The following PIP4K2A variants were observed in gnomAD, a reference collection of about 807,000 sequenced individuals.
The protein encoded by PIP4K2A is phosphatidylinositol 5-phosphate 4-kinase type-2 alpha.
A neutral mutation model predicts 42.9 loss-of-function variants in PIP4K2A; 14 were observed. The observed-to-expected ratio is 0.33, with a 90% CI of 0.22 to 0.51. PIP4K2A has a LOEUF of 0.51. PIP4K2A is among the 20% of genes least tolerant of loss of function. The pLI is 0.97. For synonymous variants in PIP4K2A, 192 were observed against 192.2 expected, an observed-to-expected ratio of 1.00 and a Z score of 0.01; for missense variants, 434 against 519.8, an observed-to-expected ratio of 0.83 and a Z score of 1.61.
At chr10:22,611,354 C>T (rs965193235) in intron 1 of PIP4K2A, among the ~76,000 whole-genome samples, 5 of 151,764 alleles carry the variant, frequency 3.3e-5, no homozygotes, top group Non-Finnish European at 7.4e-5. Flanking sequence ...TGTACCACTG[C>T]ACTCCAGCCT....
chr10:22,606,603 T>C (rs1230895875), intron 3 of PIP4K2A, among the ~76,000 whole-genome samples: 2 of 152,214 alleles, frequency 1.3e-5, no homozygotes, highest in Non-Finnish European at 2.9e-5. Context: ...GAGAGGGCAG[T>C]GGGAGCACAG....
At chr10:22,650,890 T>C (rs777389025) in intron 1 of PIP4K2A, among the ~76,000 whole-genome samples, 1 of 152,018 alleles carries the variant, frequency 6.6e-6, no homozygotes, top group African/African-American at 2.4e-5. Flanking sequence ...CTAGCCTGCT[T>C]CTACATGTCC....
At chr10:22,617,952 C>T (rs928270246) in intron 1 of PIP4K2A, among the ~76,000 whole-genome samples, 1 of 152,084 alleles carries the variant, frequency 6.6e-6, no homozygotes, top group African/African-American at 2.4e-5. Context: ...GCGAGCTAAG[C>T]ACAAAGGGTT....
chr10:22,646,682 CTT>C (rs1838890997), intron 1 of PIP4K2A, among the ~76,000 whole-genome samples: 2 of 152,344 alleles, frequency 1.3e-5, no homozygotes, highest in South Asian at 4.1e-4. Context: ...GGGAGGGACA[CTT>C]TGTCTTCCCT....
chr10:22,683,848 C>A (rs1209371502), intron 1 of PIP4K2A, among the ~76,000 whole-genome samples: 1 of 151,108 alleles, frequency 6.6e-6, no homozygotes, highest in Non-Finnish European at 1.5e-5. Flanking sequence ...CACACACACA[C>A]ACACACACAC....
intron 1 of PIP4K2A, among the ~76,000 whole-genome samples, chr10:22,610,581 A>G (rs780474441): frequency 1.3e-5 from 2 of 152,222 alleles, no homozygotes; most frequent in Non-Finnish European, 2.9e-5. Context: ...TGATAGAGCT[A>G]TTTGTTTTTT....
At chr10:22,695,355 C>G (rs1200674553) in intron 1 of PIP4K2A, among the ~76,000 whole-genome samples, 2 of 152,040 alleles carry the variant, frequency 1.3e-5, no homozygotes, top group Non-Finnish European at 2.9e-5. Flanking sequence ...TTTTTCACTG[C>G]TAAGATGCAA....
At chr10:22,697,138 TAAAA>T (rs5783807) in intron 1 of PIP4K2A, among the ~76,000 whole-genome samples, 2 of 142,572 alleles carry the variant, frequency 1.4e-5, no homozygotes, top group Non-Finnish European at 1.5e-5. Flanking sequence ...TCCTTCAGCT[TAAAA>T]AAAAAAAAAA....
chr10:22,600,320 C>T (rs986637543), intron 3 of PIP4K2A, among the ~76,000 whole-genome samples: 1 of 152,078 alleles, frequency 6.6e-6, no homozygotes, highest in African/African-American at 2.4e-5. Context: ...TGTGTAAAGC[C>T]ACCCTCGTAT....
intron 1 of PIP4K2A, among the ~76,000 whole-genome samples, chr10:22,639,824 A>G (rs1333786458): frequency 6.6e-6 from 1 of 152,152 alleles, no homozygotes; most frequent in Non-Finnish European, 1.5e-5. Context: ...AGGTGTAATT[A>G]AAGTCACATA....
chr10:22,626,372 G>C (rs1793601413), intron 1 of PIP4K2A, among the ~76,000 whole-genome samples: 1 of 152,122 alleles, frequency 6.6e-6, no homozygotes, highest in South Asian at 2.1e-4. Flanking sequence ...AAAAATGCAT[G>C]TTGTTAAAAG....
rs1588723024 is a variant in PIP4K2A, at chr10:22,714,400, G to T, written c.-74C>A. ...CCGCCCTCTCTACACCCCGGCCCGG[G>T]GAGGCAGCCGCATCCCCCCGGCGGC... On this transcript the variant is annotated 5_prime_UTR_variant, in exon 1 of 10. Transcript: ENST00000376573. 1 of 1,107,984 alleles carries T rather than the reference G, an allele frequency of 9.0e-7. No individual in the cohort carries two copies. The highest frequency in any genetic ancestry group is 1.1e-6 in the Non-Finnish European group (1 of 889,848). 68.6% of individuals were successfully genotyped at this position (1,107,984 alleles called of 1,614,324 possible).
At chr10:22,542,200 G>A (rs1836139091) in intron 7 of PIP4K2A, among the ~76,000 whole-genome samples, 153 bp from the exon 8 acceptor site, 1 of 152,084 alleles carries the variant, frequency 6.6e-6, no homozygotes, top group Non-Finnish European at 1.5e-5. Flanking sequence ...TTACACTCCT[G>A]GGCTGTTTCT....
intron 1 of PIP4K2A, among the ~76,000 whole-genome samples, chr10:22,681,941 A>G (rs1588704218): frequency 1.3e-5 from 2 of 152,312 alleles, no homozygotes; most frequent in East Asian, 1.9e-4. Flanking sequence ...ATCTACAGAC[A>G]CTGAAATTTG....
chr10:22,678,482 A>G (rs567798978), intron 1 of PIP4K2A, among the ~76,000 whole-genome samples: 2 of 152,256 alleles, frequency 1.3e-5, no homozygotes, highest in Admixed American at 1.3e-4. Flanking sequence ...TATGGGGAAA[A>G]GTCTGTTTTA....
At chr10:22,637,897 G>C (rs1231245937) in intron 1 of PIP4K2A, among the ~76,000 whole-genome samples, 2 of 152,224 alleles carry the variant, frequency 1.3e-5, no homozygotes, top group African/African-American at 4.8e-5. Flanking sequence ...AGATTTTTCA[G>C]AGTCACAGAA....
intron 1 of PIP4K2A, among the ~76,000 whole-genome samples, chr10:22,638,014 G>A (rs532154496): frequency 3.9e-5 from 6 of 152,126 alleles, no homozygotes; most frequent in East Asian, 3.9e-4. Flanking sequence ...ACTGAGTGCC[G>A]CAATTCGATC....
At chr10:22,655,786 T>C (rs1213322076) in intron 1 of PIP4K2A, among the ~76,000 whole-genome samples, 1 of 152,238 alleles carries the variant, frequency 6.6e-6, no homozygotes, top group Non-Finnish European at 1.5e-5. Flanking sequence ...TTATTGACTG[T>C]TGCTGAAGCA....
chr10:22,654,358 A>C (rs1839052837), intron 1 of PIP4K2A, among the ~76,000 whole-genome samples: 1 of 152,210 alleles, frequency 6.6e-6, no homozygotes, highest in South Asian at 2.1e-4. Flanking sequence ...ACTTTCCAAG[A>C]ATTTACCATG....
Sources: gnomAD v4.1 joint callset for allele counts (sites outside exome capture counted in the v4.1 genomes callset) on GRCh38, gnomAD v4.1.1 for gene constraint, MANE v1.5 for transcripts, NCBI Gene and HGNC (gene_info 2026-07-23, HGNC 2026-07-21) for gene names.